SLC24A3: variants seen among roughly 807,000 people sequenced by gnomAD.
SLC24A3 encodes sodium/potassium/calcium exchanger 3.
In SLC24A3, 28 loss-of-function variants were observed where a neutral mutation model predicts 75.8. The observed-to-expected ratio is 0.37, with a 90% CI of 0.27 to 0.51. SLC24A3 has a LOEUF of 0.51. SLC24A3 is among the 20% of genes least tolerant of loss of function. The pLI is 0.94. For synonymous variants in SLC24A3, 372 were observed against 334.1 expected (o/e 1.11, Z -1.24); for missense variants, 663 against 847.8 (o/e 0.78, Z 2.71).
At chr20:19,635,606 T>C (rs1257985405) in intron 6 of SLC24A3, among the ~76,000 whole-genome samples, 1 of 152,170 alleles carries the variant, frequency 6.6e-6, no homozygotes, top group Non-Finnish European at 1.5e-5. Context: ...CCACTGGAAA[T>C]ACTGGAATAG....
intron 1 of SLC24A3, among the ~76,000 whole-genome samples, chr20:19,218,977 ATTT>A (rs571875947): frequency 6.7e-6 from 1 of 149,112 alleles, no homozygotes; most frequent in Non-Finnish European, 1.5e-5. Flanking sequence ...GGTAATTTGG[ATTT>A]TTTTTTTCTG....
At chr20:19,322,290 T>C (rs1984725877) in intron 2 of SLC24A3, among the ~76,000 whole-genome samples, 1 of 152,098 alleles carries the variant, frequency 6.6e-6, no homozygotes, top group Non-Finnish European at 1.5e-5. Flanking sequence ...TAGCTGGTAT[T>C]CCTCTCTAAA....
At chr20:19,705,865 C>T (rs1388518399) in intron 15 of SLC24A3, among the ~76,000 whole-genome samples, 2 of 152,130 alleles carry the variant, frequency 1.3e-5, no homozygotes, top group African/African-American at 2.4e-5. Context: ...GTGGCTTGCT[C>T]AGAAGGCAGC....
At chr20:19,671,555 T>C (rs1047320770) in intron 8 of SLC24A3, among the ~76,000 whole-genome samples, 7 of 151,850 alleles carry the variant, frequency 4.6e-5, no homozygotes, top group African/African-American at 1.7e-4. Context: ...GAAAAGGGAG[T>C]GCTCCATATT....
chr20:19,251,887 C>G (rs188556877), intron 1 of SLC24A3, among the ~76,000 whole-genome samples: 1 of 152,326 alleles, frequency 6.6e-6, no homozygotes, highest in East Asian at 1.9e-4. Context: ...TGTGTGCTCT[C>G]TAGCTGGCTC....
chr20:19,444,099 T>G (rs1221853584), intron 2 of SLC24A3, among the ~76,000 whole-genome samples: 1 of 152,220 alleles, frequency 6.6e-6, no homozygotes, highest in East Asian at 1.9e-4. Flanking sequence ...GTTTATATGA[T>G]TTTTCTTCTT....
At position 19,333,573 on chromosome 20, in the gene SLC24A3, T is replaced by C. The variant is rs531643261; in HGVS notation, c.271+52486T>C. ...AAAGAATACATTTTTGTGTGGGAAT[T>C]TGTATTTCGTTGAGCAAACAATATG... is the stretch of plus-strand genomic sequence containing the variant. On this transcript the variant is annotated intron_variant, in intron 2 of 16. Coordinates refer to ENST00000328041, the MANE Select transcript of SLC24A3 (RefSeq NM_020689.4). Among the ~76,000 whole-genome samples, 3 of 152,092 alleles carry C rather than the reference T, an allele frequency of 2.0e-5. No individual in the cohort carries two copies. The East Asian group carries it at 5.8e-4, about 29-fold the overall frequency.
rs113656738 is a variant in SLC24A3, at chr20:19,685,626, T to C, written c.1324+265T>C. On this transcript the variant is annotated intron_variant, in intron 12 of 16. Coordinates refer to ENST00000328041, the MANE Select transcript of SLC24A3 (RefSeq NM_020689.4). ...GTGTTACTGAAATGTCAGGGATTTG[T>C]TCTAGGTCCTGCTCATCAGTACACA... 8.5e-5 allele frequency among the ~76,000 whole-genome samples: 13 copies of C among 152,270 alleles called. 1 individual carries two copies. Among genetic ancestry groups the C allele is most frequent in the African/African-American group, 3.1e-4 (13 of 41,570 alleles).
chr20:19,687,017 T>C (rs946130319), intron 12 of SLC24A3, among the ~76,000 whole-genome samples: 5 of 152,210 alleles, frequency 3.3e-5, no homozygotes, highest in African/African-American at 7.2e-5. Context: ...TTCCATTCAT[T>C]TTCTGTTGCT....
chr20:19,291,447 C>G (rs1047307512), intron 2 of SLC24A3, among the ~76,000 whole-genome samples: 1 of 152,162 alleles, frequency 6.6e-6, no homozygotes, highest in African/African-American at 2.4e-5. Flanking sequence ...CACGGCCACA[C>G]CTCGGTTTGT....
intron 6 of SLC24A3, among the ~76,000 whole-genome samples, chr20:19,645,039 C>G (rs573225567): frequency 1.3e-5 from 2 of 152,152 alleles, no homozygotes; most frequent in Non-Finnish European, 2.9e-5. Context: ...TTACAGTCAC[C>G]GCAGTTATCT....
intron 1 of SLC24A3, among the ~76,000 whole-genome samples, chr20:19,234,981 T>G (rs1982122092): frequency 6.6e-6 from 1 of 152,214 alleles, no homozygotes; most frequent in Admixed American, 6.5e-5. Flanking sequence ...TTGGCATTGT[T>G]TCTGCATTGT....
At chr20:19,361,516 C>G (rs1379495529) in intron 2 of SLC24A3, among the ~76,000 whole-genome samples, 2 of 152,206 alleles carry the variant, frequency 1.3e-5, no homozygotes, top group Non-Finnish European at 2.9e-5. Flanking sequence ...CCCCAAGGAA[C>G]TTCCTGGGAC....
At chr20:19,383,119 G>C (rs1986211992) in intron 2 of SLC24A3, among the ~76,000 whole-genome samples, 1 of 152,176 alleles carries the variant, frequency 6.6e-6, no homozygotes, top group Admixed American at 6.5e-5. Flanking sequence ...GCCCTGATCA[G>C]TACCCTCTCA....
intron 2 of SLC24A3, among the ~76,000 whole-genome samples, chr20:19,314,317 T>TTTTATTTTATTTTATTTTA: frequency 6.7e-6 from 1 of 150,366 alleles, no homozygotes; most frequent in East Asian, 1.9e-4. Flanking sequence ...TTTTATTTTA[T>TTTTATTTTATTTTATTTTA]TTTATTTTAT....
intron 15 of SLC24A3, among the ~76,000 whole-genome samples, chr20:19,711,186 C>T (rs555872885): frequency 1.6e-4 from 25 of 151,726 alleles, no homozygotes; most frequent in South Asian, 2.1e-4. Flanking sequence ...TACACACACA[C>T]GCATCCACAC....
chr20:19,542,975 C>G (rs1404498405), intron 3 of SLC24A3, among the ~76,000 whole-genome samples: 1 of 152,142 alleles, frequency 6.6e-6, no homozygotes, highest in East Asian at 1.9e-4. Flanking sequence ...TGACACCAAC[C>G]ATGCAGCCTT....
chr20:19,234,908 C>T (rs1410716063), intron 1 of SLC24A3, among the ~76,000 whole-genome samples: 9 of 152,216 alleles, frequency 5.9e-5, no homozygotes, highest in Non-Finnish European at 1.3e-4. Context: ...GTCATGAATT[C>T]TCTCTTTTCC....
In SLC24A3 at chr20:19,468,888, T is replaced by C. The variant is rs1377568060; in HGVS notation, c.272-46600T>C. Among the ~76,000 whole-genome samples, 7 of 152,052 alleles carry C rather than the reference T, an allele frequency of 4.6e-5. No individual in the cohort carries two copies. The East Asian group carries it at 1.4e-3, about 29-fold the overall frequency. ...TGGAAGGATAGACAATGGGATCTTG[T>C]GGGCAGCCAGTGCAGTAAAAGTAGG... On this transcript the variant is annotated intron_variant, in intron 2 of 16. Transcript: ENST00000328041.
Sources: allele counts gnomAD v4.1 joint callset (sites outside exome capture counted in the v4.1 genomes callset), GRCh38; gene constraint gnomAD v4.1.1; transcripts MANE v1.5; gene names NCBI Gene and HGNC (gene_info 2026-07-23, HGNC 2026-07-21).